Variants in HECW1 observed in about 807,000 individuals in gnomAD.
The protein encoded by HECW1 is E3 ubiquitin-protein ligase HECW1.
Under a neutral mutation model 182.3 loss-of-function variants are expected in HECW1, and 61 were observed. The observed-to-expected ratio is 0.33, with a 90% CI of 0.27 to 0.41. The LOEUF (loss-of-function observed/expected upper bound fraction) is 0.41, where lower values mean the gene tolerates loss of function less well. Ranked by LOEUF, HECW1 falls within the 10% of genes least tolerant of loss-of-function variation. The probability of loss-of-function intolerance (pLI) is 1.00; values close to 1 mark genes in which losing one functional copy is unlikely to be tolerated. For missense variants in HECW1, 1,739 were observed against 2,108.9 expected, an observed-to-expected ratio of 0.82 and a Z score of 3.44; for synonymous variants, 859 against 832.6, an observed-to-expected ratio of 1.03 and a Z score of -0.55.
chr7:43,391,101 A>G (rs2075012097), intron 6 of HECW1, among the ~76,000 whole-genome samples: 1 of 152,230 alleles, frequency 6.6e-6, no homozygotes, highest in Admixed American at 6.5e-5. Flanking sequence ...ACCTAGACCC[A>G]TTTAAATTAA....
At chr7:43,390,538 AAAAAAAAAAAC>A (rs1284915362) in intron 6 of HECW1, among the ~76,000 whole-genome samples, 2 of 95,658 alleles carry the variant, frequency 2.1e-5, no homozygotes, top group Non-Finnish European at 4.6e-5. Context: ...AGCAACTCTT[AAAAAAAAAAAC>A]AAAAAAAAAA....
intron 2 of HECW1, among the ~76,000 whole-genome samples, chr7:43,240,481 A>G (rs1224440438): frequency 6.6e-6 from 1 of 152,224 alleles, no homozygotes; most frequent in African/African-American, 2.4e-5. Flanking sequence ...GGGAAGCAAA[A>G]CAATGAAACA....
At chr7:43,434,511 A>T (rs1272838451) in intron 8 of HECW1, among the ~76,000 whole-genome samples, 1 of 152,244 alleles carries the variant, frequency 6.6e-6, no homozygotes, top group Non-Finnish European at 1.5e-5. Flanking sequence ...GGCTTGAAGT[A>T]AAGGCCAAGT....
At position 43,480,038 on chromosome 7, in the gene HECW1, T is replaced by C. The variant is rs552462224; in HGVS notation, c.3234+294T>C. 1.4e-3 allele frequency among the ~76,000 whole-genome samples: 214 copies of C among 152,296 alleles called. 1 individual carries two copies. Among genetic ancestry groups the C allele is most frequent in the Non-Finnish European group, 1.8e-3 (121 of 68,014 alleles). On this transcript the variant is annotated intron_variant, in intron 17 of 29. Coordinates refer to ENST00000395891, the MANE Select transcript of HECW1 (RefSeq NM_015052.5). ...CACTGTCAGGAGATCCCTACACTTA[T>C]GGCTGGAGCTGTGCCTCCTGAGGCC...
chr7:43,456,279 C>CT lies in HECW1; in HGVS notation c.2501-13dup, dbSNP rs3214631. ...GTTTGTCCTTGATTTTTCTTTTTGC[C>CT]TTTTTATTAAACACTAGACTGGGAA... On this transcript the variant is annotated splice_polypyrimidine_tract_variant and intron_variant, in intron 12 of 29. Coordinates refer to ENST00000395891, the MANE Select transcript of HECW1 (RefSeq NM_015052.5). The CT allele has an allele frequency of 0.61, 970,983 of 1,587,774 alleles. 299,824 individuals are homozygous for CT. The highest frequency in any genetic ancestry group is 0.72 in the Middle Eastern group (4,285 of 5,946).
chr7:43,477,007 A>T (rs2078240886), intron 16 of HECW1, among the ~76,000 whole-genome samples: 1 of 152,170 alleles, frequency 6.6e-6, no homozygotes, highest in Admixed American at 6.5e-5. Context: ...AAACTTTAAC[A>T]TCCCGACAAC....
intron 2 of HECW1, among the ~76,000 whole-genome samples, chr7:43,165,749 C>A (rs912575648): frequency 3.3e-5 from 5 of 152,020 alleles, no homozygotes; most frequent in Admixed American, 6.6e-5. Context: ...ATGCTATAAG[C>A]TTTATATTAA....
At chr7:43,286,679 C>G (rs1474747302) in intron 3 of HECW1, among the ~76,000 whole-genome samples, 2 of 152,122 alleles carry the variant, frequency 1.3e-5, no homozygotes, top group Non-Finnish European at 2.9e-5. Context: ...GCCACCCACC[C>G]CCCCAAAGGT....
At chr7:43,501,431 C>A in intron 21 of HECW1, 109 bp downstream of exon 21, 2 of 608,342 alleles carry the variant, frequency 3.3e-6, no homozygotes, top group Non-Finnish European at 5.8e-6. Context: ...TCGGCCTTCC[C>A]AATTCCCTAA....
At chr7:43,323,812 G>A (rs1046203291) in intron 5 of HECW1, among the ~76,000 whole-genome samples, 1 of 152,046 alleles carries the variant, frequency 6.6e-6, no homozygotes, top group Non-Finnish European at 1.5e-5. Context: ...GGGATCACCC[G>A]AGGTTAGAAG....
intron 3 of HECW1, among the ~76,000 whole-genome samples, chr7:43,281,619 G>T (rs1481445601): frequency 6.6e-6 from 1 of 151,382 alleles, no homozygotes; most frequent in Non-Finnish European, 1.5e-5. Flanking sequence ...CAAATGCACT[G>T]CAGCTAACAA....
chr7:43,433,725 G>A (rs958815008), intron 8 of HECW1, among the ~76,000 whole-genome samples: 4 of 152,190 alleles, frequency 2.6e-5, no homozygotes, highest in African/African-American at 9.7e-5. Flanking sequence ...ATGCTCTGAT[G>A]AAGAAATGAC....
At chr7:43,498,508 G>C (rs1043642061) in intron 19 of HECW1, among the ~76,000 whole-genome samples, 5 of 152,130 alleles carry the variant, frequency 3.3e-5, no homozygotes, top group African/African-American at 1.2e-4. Flanking sequence ...CAAATAACGG[G>C]GCTGTGAGGT....
chr7:43,410,725 T>A (rs532909029), intron 8 of HECW1, among the ~76,000 whole-genome samples: 35 of 152,356 alleles, frequency 2.3e-4, no homozygotes, highest in Non-Finnish European at 4.1e-4. Context: ...TTAGATTACC[T>A]ATTTCTTCTA....
intron 6 of HECW1, among the ~76,000 whole-genome samples, chr7:43,394,356 TGAA>T (rs1173451239): frequency 6.6e-6 from 1 of 152,190 alleles, no homozygotes; most frequent in African/African-American, 2.4e-5. Flanking sequence ...CCCTCTGATG[TGAA>T]GAAGGCTAAT....
At chr7:43,389,908 C>A (rs185030832) in intron 6 of HECW1, among the ~76,000 whole-genome samples, 1 of 152,154 alleles carries the variant, frequency 6.6e-6, no homozygotes, top group South Asian at 2.1e-4. Flanking sequence ...GCTGAGATTA[C>A]AGGTGTGAGC....
intron 24 of HECW1, among the ~76,000 whole-genome samples, chr7:43,534,721 CTTAA>C (rs1473052775): frequency 1.3e-5 from 2 of 152,208 alleles, no homozygotes; most frequent in African/African-American, 4.8e-5. Flanking sequence ...TTCAACAAAT[CTTAA>C]TTGAGACCTT....
chr7:43,314,273 G>A (rs1335897292), intron 4 of HECW1, among the ~76,000 whole-genome samples: 2 of 152,224 alleles, frequency 1.3e-5, no homozygotes, highest in Admixed American at 6.5e-5. Flanking sequence ...AGGGACGTGC[G>A]TCCACAGTGA....
At chr7:43,518,234 C>T (rs2152935892) in intron 24 of HECW1, among the ~76,000 whole-genome samples, 1 of 152,290 alleles carries the variant, frequency 6.6e-6, no homozygotes, top group Non-Finnish European at 1.5e-5. Context: ...GTGGCTCACA[C>T]CTCTAATTCC....
Sources: allele counts gnomAD v4.1 joint callset (sites outside exome capture counted in the v4.1 genomes callset), GRCh38; gene constraint gnomAD v4.1.1; transcripts MANE v1.5; gene names NCBI Gene and HGNC (gene_info 2026-07-23, HGNC 2026-07-21).